Variants in CD96 observed in about 807,000 individuals in gnomAD.
The protein encoded by CD96 is CD96 molecule.
CD96 carries 70 observed loss-of-function variants against 71.3 expected under a neutral mutation model. That is an observed-to-expected ratio of 0.98 (90% CI 0.81 to 1.20). The LOEUF (loss-of-function observed/expected upper bound fraction) is 1.20. Ranked by LOEUF, CD96 falls within the 50% of genes most tolerant of loss-of-function variation. The pLI, the probability that CD96 is intolerant of heterozygous loss-of-function variation, is 0.00. For synonymous variants in CD96, 248 were observed against 233.0 expected, an observed-to-expected ratio of 1.06 and a Z score of -0.59; for missense variants, 742 against 677.5, an observed-to-expected ratio of 1.10 and a Z score of -1.06.
intron 8 of CD96, among the ~76,000 whole-genome samples, chr3:111,608,192 C>T (rs1431262281): frequency 7.0e-6 from 1 of 142,204 alleles, no homozygotes; most frequent in African/African-American, 2.6e-5. Flanking sequence ...CTCAGTTCCT[C>T]AGCACATGGT....
At chr3:111,601,697 G>A (rs1937505611) in intron 7 of CD96, among the ~76,000 whole-genome samples, 2 of 152,158 alleles carry the variant, frequency 1.3e-5, no homozygotes, top group Admixed American at 1.3e-4. Flanking sequence ...AACTCTATAG[G>A]AGCATTGACC....
At chr3:111,554,615 G>C (rs1934893654) in intron 2 of CD96, among the ~76,000 whole-genome samples, 1 of 151,858 alleles carries the variant, frequency 6.6e-6, no homozygotes, top group Non-Finnish European at 1.5e-5. Flanking sequence ...AATAATATAT[G>C]TATTAAACTC....
chr3:111,609,323 G>T (rs1289869278), intron 8 of CD96, among the ~76,000 whole-genome samples: 1 of 152,058 alleles, frequency 6.6e-6, no homozygotes, highest in East Asian at 1.9e-4. Context: ...ATGAAATGGG[G>T]GAAGGACCTC....
At chr3:111,597,026 G>A (rs1226958684) in intron 5 of CD96, among the ~76,000 whole-genome samples, 1 of 152,158 alleles carries the variant, frequency 6.6e-6, no homozygotes, top group Non-Finnish European at 1.5e-5. Context: ...TCTCGAATTT[G>A]GTTTCTCAGC....
chr3:111,588,511 G>A (rs938026961), intron 5 of CD96, among the ~76,000 whole-genome samples: 4 of 152,162 alleles, frequency 2.6e-5, no homozygotes, highest in African/African-American at 9.7e-5. Context: ...ACCTCTGCCT[G>A]TTACCCAGTT....
intron 2 of CD96, among the ~76,000 whole-genome samples, chr3:111,566,795 T>C (rs1166714617): frequency 6.6e-6 from 1 of 152,144 alleles, no homozygotes; most frequent in East Asian, 1.9e-4. Context: ...CATTCCTTTG[T>C]GGGAGGAATG....
intron 8 of CD96, among the ~76,000 whole-genome samples, chr3:111,616,807 C>T (rs375778625): frequency 1.3e-5 from 2 of 152,178 alleles, no homozygotes; most frequent in East Asian, 3.9e-4. Flanking sequence ...GGAGCCTGCC[C>T]CCTACTGACT....
intron 6 of CD96, among the ~76,000 whole-genome samples, chr3:111,598,957 T>TTTCTA (rs1553705519): frequency 6.6e-6 from 1 of 151,470 alleles, no homozygotes; most frequent in African/African-American, 2.4e-5. Flanking sequence ...TTCTGAATTA[T>TTTCTA]TTTTATTTTA....
chr3:111,610,934 C>T (rs559543707), intron 8 of CD96, among the ~76,000 whole-genome samples: 8 of 152,268 alleles, frequency 5.3e-5, no homozygotes, highest in South Asian at 2.1e-4. Flanking sequence ...AAGTATGGAG[C>T]GCCTACAATG....
chr3:111,634,251 C>G (rs1289040887), intron 10 of CD96: 1 of 152,058 alleles, frequency 6.6e-6, no homozygotes, highest in Non-Finnish European at 1.5e-5. Context: ...AGAGAAGTAC[C>G]CATTTATGGT....
Position 111,567,057 on chromosome 3 carries a change from G to T in CD96, c.419-466G>T, listed in dbSNP as rs574581646. 4.1e-4 allele frequency among the ~76,000 whole-genome samples: 62 copies of T among 152,230 alleles called. 1 individual carries two copies. Among genetic ancestry groups the T allele is most frequent in the Admixed American group, 4.0e-3 (61 of 15,294 alleles). ...TGTGGAACAGGATGTCCACAGTGGGGGAGGCTGTGGGTGGGTAGAGGTAGT... is the reference window on the plus strand; with the variant it reads ...TGTGGAACAGGATGTCCACAGTGGGTGAGGCTGTGGGTGGGTAGAGGTAGT... On this transcript the variant is annotated intron_variant, in intron 2 of 13. Transcript: ENST00000352690.
In CD96 at chr3:111,545,304, A is replaced by G; in HGVS notation, c.320A>G (p.Asn107Ser). ...NGSKWTLHLR[N>S]MSCSVSGRYE... ...TCAAAATGGACTCTGCACTTAAGGA[A>G]TATGTCTTGTTCAGTCAGTGGAAGG... The change falls in exon 2 of 14, where the codon AAT (asparagine) becomes AGT (serine). Residue 107 changes from asparagine (N) to serine (S), a missense_variant. By Grantham distance (46) the Asn-to-Ser change is conservative. Coordinates refer to ENST00000352690, the MANE Select transcript of CD96 (RefSeq NM_005816.5). 6.2e-7 allele frequency: 1 copy of G among 1,614,112 alleles called. No homozygotes were observed. The highest frequency in any genetic ancestry group is 8.5e-7 in the Non-Finnish European group (1 of 1,179,942).
intron 5 of CD96, among the ~76,000 whole-genome samples, chr3:111,588,374 C>A (rs1936811857): frequency 6.6e-6 from 1 of 152,212 alleles, no homozygotes; most frequent in African/African-American, 2.4e-5. Flanking sequence ...TCTGAGACAA[C>A]CTCGGCCTGG....
At chr3:111,570,644 C>T (rs1935934553) in intron 3 of CD96, 2 of 1,605,748 alleles carry the variant, frequency 1.2e-6, no homozygotes, top group South Asian at 2.2e-5. Context: ...CTCACACGTA[C>T]ATGGCCCGGG....
intron 5 of CD96, chr3:111,593,531 T>C (rs777260703): frequency 1.3e-6 from 2 of 1,509,982 alleles, no homozygotes; most frequent in South Asian, 2.7e-5. Flanking sequence ...CAGAATAGAT[T>C]CTCCAAGCCC....
chr3:111,555,814 T>C (rs1934982204), intron 2 of CD96, among the ~76,000 whole-genome samples: 1 of 152,418 alleles, frequency 6.6e-6, no homozygotes, highest in East Asian at 1.9e-4. Flanking sequence ...TAATCAAATA[T>C]GTGAAGTTTT....
At chr3:111,584,943 A>G (rs894503342) in intron 4 of CD96, among the ~76,000 whole-genome samples, 1 of 152,130 alleles carries the variant, frequency 6.6e-6, no homozygotes, top group Non-Finnish European at 1.5e-5. Context: ...TGATAACCAC[A>G]TCACATCTTC....
rs1939413717 is a variant in CD96, at chr3:111,637,938, TAAAC to T, written c.1388-140_1388-137del. 8 of 683,340 alleles carry T rather than the reference TAAAC, an allele frequency of 1.2e-5. No homozygotes were observed. The Admixed American group carries it at 1.3e-4, about 11-fold the overall frequency. The allele number at this position is 683,340 out of a possible 1,614,324, so 42.3% of individuals were successfully genotyped here. A position where few individuals can be genotyped will look rare whatever the true frequency, so the allele number is the denominator to read the frequency against. On this transcript the variant is annotated intron_variant, in intron 11 of 13. Coordinates refer to ENST00000352690, the MANE Select transcript of CD96 (RefSeq NM_005816.5). ...AGCCTTGCTATAAATTGGTTCTTAA[TAAAC>T]TTTACACATAATATTTAAGGGATAC...
chr3:111,624,537 A>C (rs1052298983), intron 10 of CD96, 133 bp downstream of exon 10: 2 of 695,580 alleles, frequency 2.9e-6, no homozygotes, highest in African/African-American at 3.6e-5. Flanking sequence ...TCATGTTTAA[A>C]GTATTGTTGT....
Sources: allele counts gnomAD v4.1 joint callset (sites outside exome capture counted in the v4.1 genomes callset), GRCh38; gene constraint gnomAD v4.1.1; transcripts MANE v1.5; gene names NCBI Gene and HGNC (gene_info 2026-07-23, HGNC 2026-07-21).